The following MSH6 variants were observed in gnomAD, a reference collection of about 807,000 sequenced individuals.
MSH6 encodes the protein mutS homolog 6, also known as DNA mismatch repair protein Msh6.
MSH6 carries 85 observed loss-of-function variants against 119.1 expected under a neutral mutation model. The ratio of observed to expected loss-of-function variants is 0.71; its 90% CI spans 0.60 to 0.85. MSH6 has a LOEUF of 0.85. Among genes scored for constraint, MSH6 ranks in the 40% least tolerant of loss-of-function variants. The pLI is 0.00. For missense variants in MSH6, 2,163 were observed against 1,655.3 expected (o/e 1.31, Z -5.32); for synonymous variants, 830 against 586.9 (o/e 1.41, Z -5.99).
intron 3 of MSH6, among the ~76,000 whole-genome samples, chr2:47,797,474 A>G (rs1669169617): frequency 1.3e-5 from 2 of 152,266 alleles, no homozygotes; most frequent in South Asian, 4.1e-4. Context: ...TGAATGTGCT[A>G]GGCCTGAGAT....
intron 4 of MSH6, among the ~76,000 whole-genome samples, chr2:47,802,282 C>T (rs575716322): frequency 1.1e-4 from 16 of 152,244 alleles, no homozygotes; most frequent in Admixed American, 2.6e-4. Context: ...TTAAATGTCA[C>T]GGCCAACATT....
At chr2:47,784,066 G>A in intron 1 of MSH6, 3 of 1,011,906 alleles carry the variant, frequency 3.0e-6, no homozygotes, top group Non-Finnish European at 3.5e-6. Context: ...AAGAGCCGCG[G>A]TCGCCGAGAC....
At chr2:47,791,214 A>G (rs1050103733) in intron 2 of MSH6, 91 bp downstream of exon 2, 2 of 1,267,662 alleles carry the variant, frequency 1.6e-6, no homozygotes, top group Non-Finnish European at 2.3e-6. Context: ...TTTCTATATG[A>G]TGAAATTAAG....
intron 7 of MSH6, 31 bp downstream of exon 7, chr2:47,805,738 A>G (rs1558391113): frequency 1.4e-5 from 2 of 144,718 alleles, no homozygotes; most frequent in Non-Finnish European, 1.9e-5. Context: ...TTTGAAGACT[A>G]TCTATCTTAA....
intron 9 of MSH6, 43 bp downstream of exon 9, chr2:47,806,694 A>G: frequency 6.3e-7 from 1 of 1,590,230 alleles, no homozygotes; most frequent in Non-Finnish European, 8.6e-7. Context: ...ACTGACCTTA[A>G]GTTTCAAAGA....
In MSH6 at chr2:47,795,492, G is replaced by A. The variant is rs553596033; in HGVS notation, c.458-402G>A. On this transcript the variant is annotated intron_variant, in intron 2 of 9. Transcript: ENST00000234420. ...TTTTTTTTTTTTTCATCGAGACAGG[G>A]TCTTGCACTGTCGCCCAGGCTGGAG... is the stretch of plus-strand genomic sequence containing the variant. Among the ~76,000 whole-genome samples, 4 of 148,922 alleles carry A rather than the reference G, an allele frequency of 2.7e-5. No homozygotes were observed. The East Asian group carries it at 7.8e-4, about 29-fold the overall frequency.
Position 47,806,928 on chromosome 2 carries a change from TAA to T in MSH6, c.*69_*70del. 1 of 1,157,700 alleles carries T rather than the reference TAA, an allele frequency of 8.6e-7. No homozygotes were observed. The highest frequency in any genetic ancestry group is 1.3e-6 in the Non-Finnish European group (1 of 779,730). The allele number at this position is 1,157,700 out of a possible 1,614,324, so 71.7% of individuals were successfully genotyped here. ...GGTAAATTCAGACAACATTATGATC[TAA>T]TAAACTTTATTTTTTAAAAATGACC... is the stretch of plus-strand genomic sequence containing the variant. On this transcript the variant is annotated 3_prime_UTR_variant, in exon 10 of 10. Coordinates refer to ENST00000234420, the MANE Select transcript of MSH6 (RefSeq NM_000179.3).
At chr2:47,808,308 T>A (rs1177912290), downstream of MSH6, 1 of 1,612,506 alleles carries the variant, frequency 6.2e-7, no homozygotes, top group Non-Finnish European at 8.5e-7. Flanking sequence ...GGGTAATATA[T>A]CAAGCAAGTG....
chr2:47,792,452 G>T (rs1292996689), intron 2 of MSH6, among the ~76,000 whole-genome samples: 1 of 152,160 alleles, frequency 6.6e-6, no homozygotes, highest in African/African-American at 2.4e-5. Flanking sequence ...GGGAAGTTTT[G>T]TTCTCTCTTC....
chr2:47,804,568 C>G (rs1447498450), intron 5 of MSH6, among the ~76,000 whole-genome samples: 1 of 150,730 alleles, frequency 6.6e-6, no homozygotes, highest in East Asian at 1.9e-4. Context: ...AGATTCCATC[C>G]TGACATGGAT....
downstream of MSH6, chr2:47,810,071 T>C: frequency 2.0e-6 from 1 of 503,346 alleles, no homozygotes; most frequent in South Asian, 3.2e-5. Flanking sequence ...CCTGCATTTA[T>C]TCTATCCCAA....
At chr2:47,798,516 C>G (rs978457463) in intron 3 of MSH6, 95 bp from the exon 4 acceptor site, 12 of 1,314,188 alleles carry the variant, frequency 9.1e-6, no homozygotes, top group South Asian at 1.2e-5. Context: ...TGCACGGGTA[C>G]CATTATAAAG....
chr2:47,804,948 C>A lies in MSH6; in HGVS notation c.3477C>A (p.Tyr1159Ter), dbSNP rs398123231. ...CTGTAATGGCCCAGATGGGTTGTTA[C>A]GTCCCTGCTGAAGTGTGCAGGCTCA... Reference protein sequence around the residue: ...LLAVMAQMGCYVPAEVCRLTP... With the variant: ...LLAVMAQMGC Residue 1159 changes from tyrosine (Y) to a stop codon, truncating the protein, a stop_gained, in exon 6 of 10, where the codon TAC becomes TAA. Coordinates refer to ENST00000234420, the MANE Select transcript of MSH6 (RefSeq NM_000179.3). LOFTEE classifies it high-confidence loss of function. 3 of 1,614,014 alleles carry A rather than the reference C, an allele frequency of 1.9e-6. No individual in the cohort carries two copies. Among genetic ancestry groups the A allele is most frequent in the Non-Finnish European group, 2.5e-6 (3 of 1,180,014 alleles).
In MSH6 at chr2:47,783,492, A is replaced by G. The variant is rs1064793939; in HGVS notation, c.259A>G (p.Ser87Gly). ...RRSVAPAAPT[S>G]CDFSPGDLVW... is the part of the protein sequence containing the mutation. ...ATCGGTAGCGCCTGCTGCCCCCACC[A>G]GGTAGCGGGGTGGGGGTGGGGTCGA... The change falls in exon 1 of 10, where the codon AGT (serine) becomes GGT (glycine). Residue 87 changes from serine (S) to glycine (G), a missense_variant and splice_region_variant. Ser to Gly is a moderately conservative substitution (Grantham distance 56). Transcript: ENST00000234420. 1 of 1,409,082 alleles carries G rather than the reference A, an allele frequency of 7.1e-7. No homozygotes were observed. Among genetic ancestry groups the G allele is most frequent in the Non-Finnish European group, 9.3e-7 (1 of 1,080,186 alleles). 87.3% of individuals were successfully genotyped at this position (1,409,082 alleles called of 1,614,324 possible). A position where few individuals can be genotyped will look rare whatever the true frequency, so the allele number is the denominator to read the frequency against.
At chr2:47,787,939 C>G (rs1668444851) in intron 1 of MSH6, among the ~76,000 whole-genome samples, 1 of 152,040 alleles carries the variant, frequency 6.6e-6, no homozygotes, top group South Asian at 2.1e-4. Context: ...CGCAGGATTA[C>G]CACGGATAAA....
At chr2:47,791,743 A>G (rs768497183) in intron 2 of MSH6, among the ~76,000 whole-genome samples, 20 of 149,958 alleles carry the variant, frequency 1.3e-4, no homozygotes, top group Non-Finnish European at 2.4e-4. Context: ...CAGTGGCGCA[A>G]TCTCGGCCCA....
downstream of MSH6, chr2:47,808,082 G>A (rs749803856): frequency 2.6e-6 from 4 of 1,560,552 alleles, no homozygotes; most frequent in South Asian, 1.1e-5. Flanking sequence ...AAGTTATGAT[G>A]TTACAATGGC....
chr2:47,796,806 C>A (rs929292898), intron 3 of MSH6, among the ~76,000 whole-genome samples: 1 of 152,008 alleles, frequency 6.6e-6, no homozygotes, highest in African/African-American at 2.4e-5. Context: ...ATAAAAAATA[C>A]AAAAATTAGC....
At chr2:47,806,996 T>A (rs929839493), downstream of MSH6, 1 of 718,142 alleles carries the variant, frequency 1.4e-6, no homozygotes, top group Non-Finnish European at 2.4e-6. Flanking sequence ...CCCTTTTAAT[T>A]CTTATCTACC....
Sources: allele counts gnomAD v4.1 joint callset (sites outside exome capture counted in the v4.1 genomes callset), GRCh38; gene constraint gnomAD v4.1.1; transcripts MANE v1.5; gene names NCBI Gene and HGNC (gene_info 2026-07-23, HGNC 2026-07-21).